The following DNAJC8 variants were observed in gnomAD, a reference collection of about 807,000 sequenced individuals.
DNAJC8 encodes the protein dnaJ homolog subfamily C member 8.
DNAJC8 carries 24 observed loss-of-function variants against 43.2 expected under a neutral mutation model. That is an observed-to-expected ratio of 0.56 (90% CI 0.40 to 0.78). The LOEUF (loss-of-function observed/expected upper bound fraction) is 0.78, where lower values mean the gene tolerates loss of function less well. DNAJC8 is among the 30% of genes least tolerant of loss of function. DNAJC8 has a pLI of 0.00. For missense variants in DNAJC8, 207 were observed against 299.4 expected, an observed-to-expected ratio of 0.69 and a Z score of 2.28; for synonymous variants, 83 against 98.0, an observed-to-expected ratio of 0.85 and a Z score of 0.90.
At chr1:28,201,441 C>G (rs998705480) in intron 8 of DNAJC8, 71 bp from the exon 9 acceptor site, 2 of 1,600,898 alleles carry the variant, frequency 1.2e-6, no homozygotes, top group Non-Finnish European at 1.7e-6. Context: ...GGTCTGCCAT[C>G]CACTCACCCT....
rs1014817025 is a variant in DNAJC8 at position 28,200,587 on chromosome 1, A to G, written c.*661T>C. 4 of 456,436 alleles carry G rather than the reference A, an allele frequency of 8.8e-6. No individual in the cohort carries two copies. The highest frequency in any genetic ancestry group is 8.0e-5 in the African/African-American group (4 of 50,090). 28.3% of individuals were successfully genotyped at this position (456,436 alleles called of 1,614,324 possible). On this transcript the variant is annotated 3_prime_UTR_variant, in exon 9 of 9. Transcript: ENST00000263697. ...TATAAAAATTTATTATACATAAAGA[A>G]TATTACCACTAACAAATGCAGACAG...
At chr1:28,218,094 CTTTT>C (rs34973122) in intron 2 of DNAJC8, among the ~76,000 whole-genome samples, 2 of 122,346 alleles carry the variant, frequency 1.6e-5, no homozygotes, top group African/African-American at 3.1e-5. Context: ...GGTTTCTATT[CTTTT>C]TTTTTTTTTT....
At position 28,212,168 on chromosome 1, in the gene DNAJC8, A is replaced by AATAAATATAT. The variant is rs35950985; in HGVS notation, c.238-1532_238-1531insATATATTTAT. Among the ~76,000 whole-genome samples the AATAAATATAT allele has an allele frequency of 7.3e-3, 224 of 30,672 alleles. 3 individuals carry two copies. The highest frequency in any genetic ancestry group is 9.8e-3 in the Non-Finnish European group (138 of 14,034). 20.1% of individuals were successfully genotyped at this position (30,672 alleles called of 152,430 possible). A position where few individuals can be genotyped will look rare whatever the true frequency, so the allele number is the denominator to read the frequency against. On this transcript the variant is annotated intron_variant, in intron 3 of 8. Transcript: ENST00000263697. Reference sequence around the variant, plus strand: ...CGGACTCCGTCTCAATAAATAAATAAATATATATATATATATATATATATA... The same window carrying AATAAATATAT: ...CGGACTCCGTCTCAATAAATAAATAAATAAATATATATATATATATATATATATATATATA...
At chr1:28,217,155 A>G (rs561693799) in intron 2 of DNAJC8, among the ~76,000 whole-genome samples, 3 of 149,540 alleles carry the variant, frequency 2.0e-5, no homozygotes, top group Non-Finnish European at 4.4e-5. Context: ...TTTTTGAGAC[A>G]GTGTCTTACT....
At chr1:28,205,903 GC>G (rs1307745569) in intron 6 of DNAJC8, among the ~76,000 whole-genome samples, 1 of 151,968 alleles carries the variant, frequency 6.6e-6, no homozygotes, top group Admixed American at 6.6e-5. Context: ...ACAAAAATTA[GC>G]GGGGCATGGT....
In DNAJC8 at chr1:28,201,194, G is replaced by C. The variant is rs1266763758; in HGVS notation, c.*54C>G. 7.5e-6 allele frequency: 12 copies of C among 1,606,598 alleles called. No individual in the cohort carries two copies. Among genetic ancestry groups the C allele is most frequent in the Non-Finnish European group, 9.3e-6 (11 of 1,177,948 alleles). ...AGTGGGAGGAAAGAATGAGTCCTTC[G>C]AAGCAGGAAGGGAGATAGCAGGGGA... is the stretch of plus-strand genomic sequence containing the variant. On this transcript the variant is annotated 3_prime_UTR_variant, in exon 9 of 9. Coordinates refer to ENST00000263697, the MANE Select transcript of DNAJC8 (RefSeq NM_014280.3).
At chr1:28,210,453 C>T in intron 4 of DNAJC8, 118 bp downstream of exon 4, 1 of 873,084 alleles carries the variant, frequency 1.1e-6, no homozygotes, top group East Asian at 2.5e-5. Context: ...CTGAAAACCA[C>T]AGCTTCTTGG....
chr1:28,216,217 G>A (rs867452071), intron 2 of DNAJC8, among the ~76,000 whole-genome samples: 1 of 152,164 alleles, frequency 6.6e-6, no homozygotes, highest in African/African-American at 2.4e-5. Context: ...GCGTAGTGGC[G>A]CATGAAAATG....
intron 8 of DNAJC8, among the ~76,000 whole-genome samples, chr1:28,203,053 T>G (rs533684781): frequency 4.6e-5 from 7 of 152,216 alleles, no homozygotes; most frequent in Non-Finnish European, 7.3e-5. Flanking sequence ...CCCCCAAAAC[T>G]TGGATGGCTG....
At chr1:28,205,888 C>G (rs1646765152) in intron 6 of DNAJC8, among the ~76,000 whole-genome samples, 1 of 151,796 alleles carries the variant, frequency 6.6e-6, no homozygotes, top group Non-Finnish European at 1.5e-5. Flanking sequence ...AACTCCGTCT[C>G]AAAAACAAAA....
At chr1:28,213,661 C>G (rs893155595) in intron 3 of DNAJC8, among the ~76,000 whole-genome samples, 3 of 151,970 alleles carry the variant, frequency 2.0e-5, no homozygotes, top group African/African-American at 7.3e-5. Flanking sequence ...TTTTAAAAGA[C>G]ATGGAATATA....
intron 2 of DNAJC8, among the ~76,000 whole-genome samples, chr1:28,222,895 G>T (rs190772074): frequency 1.2e-4 from 18 of 152,172 alleles, no homozygotes; most frequent in African/African-American, 3.9e-4. Context: ...GGGGGAAAAT[G>T]TCAGCATGGG....
intron 2 of DNAJC8, among the ~76,000 whole-genome samples, chr1:28,215,239 A>G (rs1422627773): frequency 6.6e-6 from 1 of 152,118 alleles, no homozygotes; most frequent in Non-Finnish European, 1.5e-5. Flanking sequence ...TCATAAAAAT[A>G]ATAATTTATT....
chr1:28,215,410 C>T (rs1360857217), intron 2 of DNAJC8, among the ~76,000 whole-genome samples: 4 of 152,010 alleles, frequency 2.6e-5, no homozygotes, highest in Admixed American at 6.6e-5. Context: ...TTTACAAGGC[C>T]CAGTGGTTCT....
intron 3 of DNAJC8, among the ~76,000 whole-genome samples, chr1:28,214,661 C>A (rs1350194068): frequency 1.3e-5 from 2 of 152,282 alleles, no homozygotes; most frequent in East Asian, 3.9e-4. Flanking sequence ...CAACTCCATG[C>A]AAGCTCTATT....
intron 2 of DNAJC8, among the ~76,000 whole-genome samples, chr1:28,223,618 A>G (rs1331900611): frequency 6.6e-6 from 1 of 151,810 alleles, no homozygotes; most frequent in African/African-American, 2.4e-5. Flanking sequence ...CTGTAATGCT[A>G]TAATCAATCC....
At chr1:28,212,168 A>AATAAAAAAATATAT (rs35950985) in intron 3 of DNAJC8, among the ~76,000 whole-genome samples, 3 of 31,020 alleles carry the variant, frequency 9.7e-5, no homozygotes, top group Non-Finnish European at 1.4e-4. Flanking sequence ...TAAATAAATA[A>AATAAAAAAATATAT]ATATATATAT....
chr1:28,209,264 T>C (rs189864024), intron 5 of DNAJC8, among the ~76,000 whole-genome samples: 11 of 152,300 alleles, frequency 7.2e-5, no homozygotes, highest in Non-Finnish European at 1.2e-4. Context: ...GATTCATTAT[T>C]ATGGTTATAA....
intron 2 of DNAJC8, among the ~76,000 whole-genome samples, chr1:28,216,550 T>A (rs1030336535): frequency 6.6e-5 from 10 of 152,110 alleles, no homozygotes; most frequent in African/African-American, 1.4e-4. Flanking sequence ...ATTGATTTTT[T>A]AAAAATAAAT....
Sources: allele counts gnomAD v4.1 joint callset (sites outside exome capture counted in the v4.1 genomes callset), GRCh38; gene constraint gnomAD v4.1.1; transcripts MANE v1.5; gene names NCBI Gene and HGNC (gene_info 2026-07-23, HGNC 2026-07-21).